DAB1: variants seen among roughly 807,000 people sequenced by gnomAD.
DAB1 encodes the protein DAB adaptor protein 1, also known as disabled homolog 1.
In DAB1, 15 loss-of-function variants were observed where a neutral mutation model predicts 64.6. The observed-to-expected ratio is 0.23, with a 90% confidence interval of 0.16 to 0.36. The LOEUF (loss-of-function observed/expected upper bound fraction) is 0.36, where lower values mean the gene tolerates loss of function less well. DAB1 is among the 10% of genes least tolerant of loss of function. The pLI, the probability that DAB1 is intolerant of heterozygous loss-of-function variation, is 1.00. For synonymous variants in DAB1, 235 were observed against 251.9 expected (o/e 0.93, Z 0.64); for missense variants, 596 against 706.7 (o/e 0.84, Z 1.78).
chr1:58,522,326 A>G (rs1646277864), intron 2 of DAB1, among the ~76,000 whole-genome samples: 2 of 152,194 alleles, frequency 1.3e-5, no homozygotes, highest in African/African-American at 4.8e-5. Context: ...TTTAAAGTTG[A>G]AGAAAAAGTG....
chr1:57,107,854 TC>T (rs1655307571), intron 4 of DAB1, among the ~76,000 whole-genome samples: 1 of 152,066 alleles, frequency 6.6e-6, no homozygotes. Flanking sequence ...CTCTGCTTCT[TC>T]CCAAGCTTTG....
intron 1 of DAB1, among the ~76,000 whole-genome samples, chr1:57,410,493 A>G (rs1373581438): frequency 6.6e-6 from 1 of 152,204 alleles, no homozygotes; most frequent in African/African-American, 2.4e-5. Flanking sequence ...AGAAAGAGAC[A>G]CATACCTTGG....
intron 6 of DAB1, among the ~76,000 whole-genome samples, chr1:57,681,985 C>G (rs1206511398): frequency 6.6e-6 from 1 of 152,120 alleles, no homozygotes; most frequent in Non-Finnish European, 1.5e-5. Flanking sequence ...CCTGTGGGCC[C>G]CACCTACCTC....
At chr1:57,086,048 A>G (rs956591523) in intron 4 of DAB1, among the ~76,000 whole-genome samples, 2 of 152,166 alleles carry the variant, frequency 1.3e-5, no homozygotes, top group Non-Finnish European at 2.9e-5. Context: ...AGGCAATAAA[A>G]TGCTGGGCAG....
intron 5 of DAB1, among the ~76,000 whole-genome samples, chr1:58,020,254 C>G (rs1027487626): frequency 3.9e-5 from 6 of 152,190 alleles, no homozygotes; most frequent in African/African-American, 1.4e-4. Flanking sequence ...GAGCTCTCTT[C>G]TTTTTACTTC....
At chr1:58,238,754 A>T (rs941025767) in intron 4 of DAB1, among the ~76,000 whole-genome samples, 1 of 152,142 alleles carries the variant, frequency 6.6e-6, no homozygotes, top group Non-Finnish European at 1.5e-5. Context: ...TGAAATCAGG[A>T]AGAGAGCAAA....
At position 58,459,964 on chromosome 1, in the gene DAB1, G is replaced by A. The variant is rs182099117; in HGVS notation, n.257+46096C>T. 4.6e-5 allele frequency among the ~76,000 whole-genome samples: 7 copies of A among 152,274 alleles called. No homozygotes were observed. In the East Asian group the frequency reaches 1.4e-3, roughly 29 times the overall value. On this transcript the variant is annotated intron_variant and non_coding_transcript_variant, in intron 3 of 20. Coordinates refer to the DAB1 transcript ENST00000485760. ...CTGCACTCCAGCTGGGTGGCAGAGT[G>A]TGACTCTGTCTCAAAAAAAGAAAAA...
chr1:57,768,452 A>C (rs1430409509), intron 6 of DAB1, among the ~76,000 whole-genome samples: 1 of 151,568 alleles, frequency 6.6e-6, no homozygotes, highest in African/African-American at 2.4e-5. Flanking sequence ...ATATTGTCCA[A>C]ATAACACTCT....
intron 4 of DAB1, among the ~76,000 whole-genome samples, chr1:58,191,732 G>C (rs762614991): frequency 2.0e-5 from 3 of 152,202 alleles, no homozygotes; most frequent in Non-Finnish European, 4.4e-5. Flanking sequence ...CTGTAGATCT[G>C]TATCCCCTTT....
chr1:57,843,775 T>C (rs1276696578), intron 1 of DAB1, among the ~76,000 whole-genome samples: 1 of 152,148 alleles, frequency 6.6e-6, no homozygotes, highest in African/African-American at 2.4e-5. Context: ...GCTCTTTTCC[T>C]CCAACAGCTG....
chr1:57,191,472 C>T (rs767286169), intron 2 of DAB1, among the ~76,000 whole-genome samples: 2 of 152,192 alleles, frequency 1.3e-5, no homozygotes, highest in Admixed American at 6.5e-5. Context: ...TTGAGGACCA[C>T]CATGACTATG....
At chr1:57,243,011 C>G (rs1478661860) in intron 2 of DAB1, among the ~76,000 whole-genome samples, 3 of 152,100 alleles carry the variant, frequency 2.0e-5, no homozygotes, top group Non-Finnish European at 4.4e-5. Flanking sequence ...TCAATAAATA[C>G]TTGTTGAATT....
At chr1:57,479,875 C>T (rs1446091581) in intron 7 of DAB1, among the ~76,000 whole-genome samples, 1 of 152,004 alleles carries the variant, frequency 6.6e-6, no homozygotes, top group Non-Finnish European at 1.5e-5. Flanking sequence ...AGCCAGGGGC[C>T]GGGCGCGGTG....
chr1:57,067,084 C>A (rs1292032648), intron 8 of DAB1, among the ~76,000 whole-genome samples: 1 of 152,128 alleles, frequency 6.6e-6, no homozygotes, highest in Non-Finnish European at 1.5e-5. Flanking sequence ...AAGAGCTTAT[C>A]TCTTATTAAG....
chr1:58,150,749 T>C (rs1240330737), intron 4 of DAB1, among the ~76,000 whole-genome samples: 1 of 152,126 alleles, frequency 6.6e-6, no homozygotes, highest in Non-Finnish European at 1.5e-5. Context: ...GCAGGTTTGT[T>C]ACATATGTAT....
At chr1:57,971,816 G>A (rs1462226678) in intron 5 of DAB1, among the ~76,000 whole-genome samples, 1 of 152,142 alleles carries the variant, frequency 6.6e-6, no homozygotes, top group Non-Finnish European at 1.5e-5. Context: ...TCCCACCAAT[G>A]GCAATATCTT....
At chr1:58,373,752 A>G (rs1359738567) in intron 3 of DAB1, among the ~76,000 whole-genome samples, 3 of 151,816 alleles carry the variant, frequency 2.0e-5, no homozygotes, top group Admixed American at 2.0e-4. Flanking sequence ...AGGAATTGCC[A>G]CACTGACTTC....
intron 6 of DAB1, among the ~76,000 whole-genome samples, chr1:57,715,661 G>C (rs1240557346): frequency 6.6e-6 from 1 of 151,454 alleles, no homozygotes; most frequent in South Asian, 2.1e-4. Flanking sequence ...ATCTAGAAAA[G>C]AAATCAAGAA....
intron 4 of DAB1, among the ~76,000 whole-genome samples, chr1:57,133,103 G>C (rs1657776225): frequency 6.6e-6 from 1 of 152,132 alleles, no homozygotes; most frequent in Non-Finnish European, 1.5e-5. Context: ...AGCATACTTA[G>C]ATTGGTGTGT....
Sources: gnomAD v4.1 joint callset for allele counts (sites outside exome capture counted in the v4.1 genomes callset) on GRCh38, gnomAD v4.1.1 for gene constraint, MANE v1.5 for transcripts, NCBI Gene and HGNC (gene_info 2026-07-23, HGNC 2026-07-21) for gene names.